The following RAB27B variants were observed in gnomAD, a reference collection of about 807,000 sequenced individuals.
RAB27B encodes the protein ras-related protein Rab-27B.
RAB27B carries 15 observed loss-of-function variants against 24.6 expected under a neutral mutation model. The observed-to-expected ratio is 0.61, with a 90% CI of 0.41 to 0.94. RAB27B has a LOEUF of 0.94. Ranked by LOEUF, RAB27B falls within the 40% of genes least tolerant of loss-of-function variation. The pLI, the probability that RAB27B is intolerant of heterozygous loss-of-function variation, is 0.00. For missense variants in RAB27B, 261 were observed against 266.8 expected, an observed-to-expected ratio of 0.98 and a Z score of 0.15; for synonymous variants, 105 against 92.5, an observed-to-expected ratio of 1.14 and a Z score of -0.78.
At chr18:54,841,504 G>A (rs1327286788) in intron 1 of RAB27B, among the ~76,000 whole-genome samples, 3 of 152,164 alleles carry the variant, frequency 2.0e-5, no homozygotes, top group African/African-American at 7.2e-5. Context: ...GATGAACACT[G>A]AGAAACTACT....
chr18:54,832,116 C>T (rs893948534), intron 1 of RAB27B, among the ~76,000 whole-genome samples: 2 of 152,128 alleles, frequency 1.3e-5, no homozygotes, highest in Non-Finnish European at 2.9e-5. Flanking sequence ...CTTGAAGAGA[C>T]TAAGTCGTAG....
At chr18:54,834,698 T>C (rs1910824208) in intron 1 of RAB27B, among the ~76,000 whole-genome samples, 1 of 151,970 alleles carries the variant, frequency 6.6e-6, no homozygotes. Context: ...TGTGTGTGTG[T>C]GCATGTATGT....
intron 2 of RAB27B, among the ~76,000 whole-genome samples, chr18:54,782,967 T>G (rs1039929434): frequency 2.6e-5 from 4 of 151,910 alleles, no homozygotes; most frequent in African/African-American, 9.7e-5. Context: ...AACTTTTTTT[T>G]TTTTCTTTGA....
chr18:54,847,317 C>G (rs1306627369), intron 1 of RAB27B, among the ~76,000 whole-genome samples: 1 of 152,140 alleles, frequency 6.6e-6, no homozygotes, highest in Non-Finnish European at 1.5e-5. Flanking sequence ...ATGGAAATAC[C>G]CAGTTCTCTG....
intron 1 of RAB27B, among the ~76,000 whole-genome samples, chr18:54,858,778 G>T (rs539911857): frequency 4.9e-4 from 74 of 152,172 alleles, no homozygotes; most frequent in African/African-American, 1.8e-3. Flanking sequence ...ATTTGGATTT[G>T]GATTTTCCTT....
chr18:54,841,251 A>C (rs2145201448), intron 1 of RAB27B, among the ~76,000 whole-genome samples: 1 of 151,818 alleles, frequency 6.6e-6, no homozygotes, highest in Non-Finnish European at 1.5e-5. Context: ...ACTGCAGATA[A>C]GAAGTATTTG....
At chr18:54,888,699 G>A (rs960181025) in intron 5 of RAB27B, among the ~76,000 whole-genome samples, 4 of 151,742 alleles carry the variant, frequency 2.6e-5, no homozygotes, top group Non-Finnish European at 4.4e-5. Flanking sequence ...TAAATTTAAA[G>A]TAGTTTTATC....
chr18:54,749,429 T>C (rs1265189875), intron 2 of RAB27B, among the ~76,000 whole-genome samples: 1 of 152,136 alleles, frequency 6.6e-6, no homozygotes, highest in Non-Finnish European at 1.5e-5. Flanking sequence ...CCCAAATCCC[T>C]TGCTCTAACT....
chr18:54,787,933 G>A (rs977733904), intron 2 of RAB27B, among the ~76,000 whole-genome samples: 2 of 152,208 alleles, frequency 1.3e-5, no homozygotes, highest in African/African-American at 4.8e-5. Flanking sequence ...CTCAAGGAAT[G>A]TTGAAGCAGA....
chr18:54,888,275 ATTAC>A, intron 5 of RAB27B, 157 bp downstream of exon 5: 1 of 745,068 alleles, frequency 1.3e-6, no homozygotes, highest in Non-Finnish European at 2.0e-6. Context: ...GTATTAATGA[ATTAC>A]TTAATAATAA....
rs557873086 is a variant in RAB27B, at chr18:54,733,650, G to GCCCC, written c.-20+15518_-20+15521dup. ...TTTAGGTGAAATCTTCTGTTCTAGA[G>GCCCC]CCCCCCCCCCCCAAATTTGCTAAGC... On this transcript the variant is annotated intron_variant, in intron 2 of 4. Coordinates refer to the RAB27B transcript ENST00000586570. 1.2e-3 allele frequency among the ~76,000 whole-genome samples: 115 copies of GCCCC among 92,268 alleles called. 16 individuals carry two copies. Among genetic ancestry groups the GCCCC allele is most frequent in the South Asian group, 2.0e-3 (5 of 2,476 alleles). 60.5% of individuals were successfully genotyped at this position (92,268 alleles called of 152,430 possible). A position where few individuals can be genotyped will look rare whatever the true frequency, so the allele number is the denominator to read the frequency against.
intron 2 of RAB27B, among the ~76,000 whole-genome samples, chr18:54,786,724 T>A (rs1304690403): frequency 6.6e-6 from 1 of 152,198 alleles, no homozygotes; most frequent in East Asian, 1.9e-4. Context: ...GAAACCTAAA[T>A]GTTCAAGTAA....
intron 1 of RAB27B, among the ~76,000 whole-genome samples, chr18:54,869,085 G>T (rs923081392): frequency 6.6e-6 from 1 of 152,142 alleles, no homozygotes; most frequent in African/African-American, 2.4e-5. Context: ...GTGTTTTAAA[G>T]GATATATTAA....
At chr18:54,858,393 T>G (rs900866739) in intron 1 of RAB27B, among the ~76,000 whole-genome samples, 42 of 149,950 alleles carry the variant, frequency 2.8e-4, no homozygotes, top group Non-Finnish European at 4.4e-4. Flanking sequence ...TTTTTTTTTT[T>G]TTTTTTTTTG....
At chr18:54,888,174 G>A (rs1261980058) in intron 5 of RAB27B, 56 bp downstream of exon 5, 1 of 1,576,094 alleles carries the variant, frequency 6.3e-7, no homozygotes, top group Non-Finnish European at 8.6e-7. Context: ...TCAGCAAATG[G>A]AGCAGAGACA....
intron 1 of RAB27B, among the ~76,000 whole-genome samples, chr18:54,833,854 A>G (rs1195612184): frequency 6.6e-6 from 1 of 152,112 alleles, no homozygotes; most frequent in Non-Finnish European, 1.5e-5. Context: ...AGTTTGGAGA[A>G]TGGAAAGCAG....
At chr18:54,717,982 C>T (rs1909242648) in intron 1 of RAB27B, 1 of 152,188 alleles carries the variant, frequency 6.6e-6, no homozygotes, top group Admixed American at 6.5e-5. Flanking sequence ...CTGTCACGTG[C>T]CTTTAGTGTT....
chr18:54,814,882 A>T (rs1910074971), intron 2 of RAB27B, among the ~76,000 whole-genome samples: 1 of 152,218 alleles, frequency 6.6e-6, no homozygotes, highest in Admixed American at 6.5e-5. Context: ...AGTGTCTGTG[A>T]ACACGTTTGT....
intron 1 of RAB27B, among the ~76,000 whole-genome samples, chr18:54,866,178 C>G (rs1054117029): frequency 6.6e-6 from 1 of 152,194 alleles, no homozygotes; most frequent in African/African-American, 2.4e-5. Context: ...GCTAGCAACA[C>G]TGTCCTAAAG....
Sources: allele counts gnomAD v4.1 joint callset (sites outside exome capture counted in the v4.1 genomes callset), GRCh38; gene constraint gnomAD v4.1.1; transcripts MANE v1.5; gene names NCBI Gene and HGNC (gene_info 2026-07-23, HGNC 2026-07-21).